The following BCR variants were observed in gnomAD, a reference collection of about 807,000 sequenced individuals.
BCR encodes the protein BCR activator of RhoGEF and GTPase.
In BCR, 58 loss-of-function variants were observed where a neutral mutation model predicts 138.6. That is an observed-to-expected ratio of 0.42 (90% CI 0.34 to 0.52). The LOEUF is 0.52. BCR is among the 20% of genes least tolerant of loss of function. The pLI, the probability that BCR is intolerant of heterozygous loss-of-function variation, is 0.06. For missense variants in BCR, 1,599 were observed against 1,727.2 expected, an observed-to-expected ratio of 0.93 and a Z score of 1.32; for synonymous variants, 786 against 730.1, an observed-to-expected ratio of 1.08 and a Z score of -1.23.
chr22:23,216,373 T>C (rs191687092), intron 1 of BCR, among the ~76,000 whole-genome samples: 588 of 152,322 alleles, frequency 3.9e-3, no homozygotes, highest in Middle Eastern at 0.02. Context: ...CCTTTTCTTT[T>C]ATGGTAGTAT....
At chr22:23,192,033 A>C (rs2072422025) in intron 1 of BCR, among the ~76,000 whole-genome samples, 1 of 152,168 alleles carries the variant, frequency 6.6e-6, no homozygotes, top group South Asian at 2.1e-4. Flanking sequence ...ATAGATGTGG[A>C]TGGTGGCTGG....
chr22:23,212,690 T>A (rs974811639), intron 1 of BCR, among the ~76,000 whole-genome samples: 3 of 152,176 alleles, frequency 2.0e-5, no homozygotes, highest in African/African-American at 7.2e-5. Flanking sequence ...CCCCAGAGCG[T>A]TGCTGTGTCT....
chr22:23,284,197 C>G, intron 9 of BCR, 99 bp downstream of exon 9: 2 of 1,473,378 alleles, frequency 1.4e-6, no homozygotes, highest in Non-Finnish European at 9.1e-7. Flanking sequence ...TGATGTAGCT[C>G]GTTACATTCC....
rs749868333 is a variant in BCR, at chr22:23,216,633, T to C, written c.1279+34394T>C. Among the ~76,000 whole-genome samples, 3 of 152,358 alleles carry C rather than the reference T, an allele frequency of 2.0e-5. No homozygotes were observed. In the Middle Eastern group the frequency reaches 0.01, roughly 518 times the overall value. ...CCCAAAGTTTAGAGGCTTAAAACAATGCGATTTAATCGCAGTGCCATCTGG... is the reference window on the plus strand; with the variant it reads ...CCCAAAGTTTAGAGGCTTAAAACAACGCGATTTAATCGCAGTGCCATCTGG... On this transcript the variant is annotated intron_variant, in intron 1 of 22. Coordinates refer to ENST00000305877, the MANE Select transcript of BCR (RefSeq NM_004327.4).
intron 1 of BCR, among the ~76,000 whole-genome samples, chr22:23,191,983 T>C (rs2072421326): frequency 6.6e-6 from 1 of 152,136 alleles, no homozygotes; most frequent in Admixed American, 6.5e-5. Flanking sequence ...TTAGCTGTCT[T>C]GGGTTCTAGC....
intron 1 of BCR, among the ~76,000 whole-genome samples, chr22:23,188,596 GA>G (rs2072376181): frequency 6.6e-6 from 1 of 152,176 alleles, no homozygotes; most frequent in African/African-American, 2.4e-5. Flanking sequence ...TAGAGTGAAT[GA>G]ATGGGCATCT....
At chr22:23,293,324 T>C (rs1169251748) in intron 15 of BCR, among the ~76,000 whole-genome samples, 1 of 152,140 alleles carries the variant, frequency 6.6e-6, no homozygotes, top group Admixed American at 6.5e-5. Context: ...CCCCTGCTCC[T>C]GCGAAGGAGG....
At chr22:23,219,159 A>G (rs2072792438) in intron 1 of BCR, among the ~76,000 whole-genome samples, 1 of 152,170 alleles carries the variant, frequency 6.6e-6, no homozygotes, top group Non-Finnish European at 1.5e-5. Flanking sequence ...GGAGGGGAGA[A>G]AGTGAAGCAG....
intron 1 of BCR, among the ~76,000 whole-genome samples, chr22:23,233,395 C>T (rs143353248): frequency 1.5e-3 from 224 of 152,330 alleles, no homozygotes; most frequent in African/African-American, 5.1e-3. Context: ...CTTCCCCACA[C>T]CGACTTCCTA....
In BCR at chr22:23,273,074, T is replaced by A; in HGVS notation, c.1922-7T>A. On this transcript the variant is annotated splice_region_variant and splice_polypyrimidine_tract_variant and intron_variant, in intron 6 of 22. Coordinates refer to ENST00000305877, the MANE Select transcript of BCR (RefSeq NM_004327.4). ...CAACCTCTCTCACCTCCCCTCTCTC[T>A]CCACAGCTCTGCTCTACAAGCCTGT... 6.2e-7 allele frequency: 1 copy of A among 1,612,374 alleles called. No individual in the cohort carries two copies. The highest frequency in any genetic ancestry group is 8.5e-7 in the Non-Finnish European group (1 of 1,178,948).
rs1404054815 is a variant in BCR, at chr22:23,315,658, G to A, written c.*136G>A. On this transcript the variant is annotated 3_prime_UTR_variant, in exon 23 of 23. Transcript: ENST00000305877. The stretch of plus-strand genomic sequence containing the variant: ...GTTGGGCCATCTGCCAAGAGACAGC[G>A]ACCCAAAGCCGAAGGACAGGTGGCC... 14 of 842,744 alleles carry A rather than the reference G, an allele frequency of 1.7e-5. No individual in the cohort carries two copies. The highest frequency in any genetic ancestry group is 5.4e-5 in the East Asian group (2 of 37,222). The allele number at this position is 842,744 out of a possible 1,614,324, so 52.2% of individuals were successfully genotyped here.
At chr22:23,288,862 T>C (rs906935825) in intron 12 of BCR, among the ~76,000 whole-genome samples, 3 of 152,206 alleles carry the variant, frequency 2.0e-5, no homozygotes, top group Non-Finnish European at 2.9e-5. Context: ...CCTTGGAGGT[T>C]TGGGATTCAC....
intron 5 of BCR, among the ~76,000 whole-genome samples, chr22:23,270,299 C>T (rs569571339): frequency 5.3e-5 from 8 of 152,142 alleles, no homozygotes; most frequent in South Asian, 2.1e-4. Context: ...GCTCTCCAGA[C>T]GGTAGGAATA....
intron 4 of BCR, among the ~76,000 whole-genome samples, chr22:23,267,877 C>A (rs762230424): frequency 6.6e-6 from 1 of 152,228 alleles, no homozygotes; most frequent in Non-Finnish European, 1.5e-5. Context: ...ACCTGAGCAC[C>A]CTCACCAGGC....
At chr22:23,268,351 A>G (rs1393494444) in intron 4 of BCR, 57 bp from the exon 5 acceptor site, 12 of 1,426,278 alleles carry the variant, frequency 8.4e-6, no homozygotes, top group Non-Finnish European at 1.2e-5. Context: ...CCTGCTCTTC[A>G]GAAAGATGGG....
chr22:23,276,622 G>A (rs986939338), intron 8 of BCR, among the ~76,000 whole-genome samples: 17 of 152,204 alleles, frequency 1.1e-4, no homozygotes, highest in African/African-American at 2.7e-4. Flanking sequence ...TCCGAGGCAC[G>A]TTAAGGGAGG....
At chr22:23,288,392 A>G (rs967705451) in intron 12 of BCR, among the ~76,000 whole-genome samples, 1 of 141,396 alleles carries the variant, frequency 7.1e-6, no homozygotes. Context: ...TCACCTGGGC[A>G]CTCATTTCCC....
Position 23,309,788 on chromosome 22 carries a change from A to C in BCR, c.3072+305A>C, listed in dbSNP as rs536834989. 594 of 456,106 alleles carry C rather than the reference A, an allele frequency of 1.3e-3. 5 individuals carry two copies. Among genetic ancestry groups the C allele is most frequent in the Admixed American group, 2.5e-3 (67 of 26,896 alleles). The allele number at this position is 456,106 out of a possible 1,614,324, so 28.3% of individuals were successfully genotyped here. A position where few individuals can be genotyped will look rare whatever the true frequency, so the allele number is the denominator to read the frequency against. On this transcript the variant is annotated intron_variant, in intron 17 of 22. Transcript: ENST00000305877. Reference sequence around the variant, plus strand: ...CTGCCCATAGAAATGGAGACCCCTGATTTGTCTTTAGGTACCCCAGAAAGG... The same window carrying C: ...CTGCCCATAGAAATGGAGACCCCTGCTTTGTCTTTAGGTACCCCAGAAAGG...
In BCR at chr22:23,315,516, A is replaced by C. The variant is rs201098494; in HGVS notation, c.3810A>C (p.Glu1270Asp). ...GACAGAGCATCCTGTTCTCCACCGA[A>C]GTCTAAAGGTCCCAGTCCATCTCCT... ...SKRQSILFST[E>D]V Residue 1270 changes from glutamate (E) to aspartate (D), a missense_variant, in exon 23 of 23, where the codon GAA becomes GAC. Transcript: ENST00000305877. The C allele has an allele frequency of 6.2e-7, 1 of 1,612,132 alleles. No individual in the cohort carries two copies.
Sources: allele counts gnomAD v4.1 joint callset (sites outside exome capture counted in the v4.1 genomes callset), GRCh38; gene constraint gnomAD v4.1.1; transcripts MANE v1.5; gene names NCBI Gene and HGNC (gene_info 2026-07-23, HGNC 2026-07-21).